The following CNGB3 variants were observed in gnomAD, a reference collection of about 807,000 sequenced individuals.
CNGB3 encodes cyclic nucleotide-gated channel beta-3.
CNGB3 carries 86 observed loss-of-function variants against 92.8 expected under a neutral mutation model. The ratio of observed to expected loss-of-function variants is 0.93; its 90% CI spans 0.78 to 1.11. The LOEUF is 1.11. CNGB3 is among the 50% of genes least tolerant of loss of function. The pLI is 0.00. For missense variants in CNGB3, 1,026 were observed against 956.8 expected (o/e 1.07, Z -0.95); for synonymous variants, 333 against 332.7 (o/e 1.00, Z -0.01).
rs748516981 is a variant in CNGB3, at chr8:86,628,946, A to G, written c.1453T>C (p.Tyr485His). The change falls in exon 12 of 18, where the codon TAT (tyrosine) becomes CAT (histidine). Residue 485 changes from tyrosine to histidine, a missense_variant. Transcript: ENST00000320005. ...VQKRVRTWYEYTWDSQRMLDE... is the reference protein window; with the variant it reads ...VQKRVRTWYEHTWDSQRMLDE... ...AGCATTCTTTGAGAGTCCCATGTAT[A>G]TTCATACCAAGTCCGAACTCGCTTT... 1.9e-6 allele frequency: 3 copies of G among 1,613,916 alleles called. No individual in the cohort carries two copies. In the South Asian group the frequency reaches 3.3e-5, roughly 18 times the overall value.
chr8:86,631,957 T>A (rs1822970045), intron 11 of CNGB3, among the ~76,000 whole-genome samples: 1 of 152,168 alleles, frequency 6.6e-6, no homozygotes, highest in African/African-American at 2.4e-5. Context: ...GTAAACTAAC[T>A]AATCTGGAAC....
chr8:86,651,984 C>T (rs990284845), intron 7 of CNGB3, among the ~76,000 whole-genome samples: 5 of 151,838 alleles, frequency 3.3e-5, no homozygotes, highest in African/African-American at 4.8e-5. Context: ...GATGTATTGC[C>T]TACTACACAC....
chr8:86,611,902 T>A (rs188091996), intron 13 of CNGB3, among the ~76,000 whole-genome samples: 10 of 152,246 alleles, frequency 6.6e-5, no homozygotes, highest in African/African-American at 2.4e-4. Flanking sequence ...GAATCCTGTC[T>A]CTACTACATA....
In CNGB3 at chr8:86,632,857, T is replaced by C. The variant is rs1433936665; in HGVS notation, c.1215A>G (p.Leu405=). Residue 405 remains leucine, a synonymous_variant, in exon 11 of 18, where the codon TTA becomes TTG. Coordinates refer to ENST00000320005, the MANE Select transcript of CNGB3 (RefSeq NM_019098.5). ...LRCYYWAVRT[L]ITIGGLPEPQ... ...GTTCTGGAAGGCCACCAATGGTAATTAAAGTTCGAACTGCCCAATAATAAC... is the reference window on the plus strand; with the variant it reads ...GTTCTGGAAGGCCACCAATGGTAATCAAAGTTCGAACTGCCCAATAATAAC... The C allele has an allele frequency of 1.2e-6, 2 of 1,612,746 alleles. No individual in the cohort carries two copies. Among genetic ancestry groups the C allele is most frequent in the East Asian group, 2.2e-5 (1 of 44,796 alleles).
rs375288585 is a variant in CNGB3, at chr8:86,575,815, C to T, written c.2419G>A (p.Ala807Thr). ...AGATAATCAAACATTTATTGCTTAG[C>T]CTTTTCTTTGACTTCAATAGTAAGA... Reference protein sequence around the residue: ...EVLTIEVKEKAKQ With the variant: ...EVLTIEVKEKTKQ Residue 807 changes from alanine (A) to threonine (T), a missense_variant, in exon 18 of 18, where the codon GCT (alanine) becomes ACT (threonine). By Grantham distance (58) the Ala-to-Thr change is moderately conservative. Coordinates refer to ENST00000320005, the MANE Select transcript of CNGB3 (RefSeq NM_019098.5). The T allele has an allele frequency of 2.8e-5, 45 of 1,613,668 alleles. 1 individual carries two copies. The highest frequency in any genetic ancestry group is 1.6e-4 in the East Asian group (7 of 44,864).
At chr8:86,653,654 C>T (rs973478777) in intron 7 of CNGB3, among the ~76,000 whole-genome samples, 8 of 152,106 alleles carry the variant, frequency 5.3e-5, no homozygotes, top group Middle Eastern at 6.8e-3. Flanking sequence ...AAGAAAGAAG[C>T]GGGAGTAAAA....
chr8:86,662,602 T>A (rs1165777133), intron 6 of CNGB3, among the ~76,000 whole-genome samples: 2 of 152,060 alleles, frequency 1.3e-5, no homozygotes, highest in Non-Finnish European at 2.9e-5. Flanking sequence ...TGGGAGGGGG[T>A]TGCTGGAGAA....
At chr8:86,624,638 C>T (rs1822809476) in intron 13 of CNGB3, among the ~76,000 whole-genome samples, 1 of 152,128 alleles carries the variant, frequency 6.6e-6, no homozygotes, top group African/African-American at 2.4e-5. Context: ...TGTCCTCATT[C>T]CTCTCTCTCC....
intron 14 of CNGB3, among the ~76,000 whole-genome samples, chr8:86,607,644 G>C (rs1238595456): frequency 6.6e-6 from 1 of 152,054 alleles, no homozygotes; most frequent in Non-Finnish European, 1.5e-5. Context: ...TTGGGAATGA[G>C]GTCCCAGAAA....
At chr8:86,675,885 T>C (rs1823957382) in intron 3 of CNGB3, among the ~76,000 whole-genome samples, 1 of 152,190 alleles carries the variant, frequency 6.6e-6, no homozygotes, top group African/African-American at 2.4e-5. Flanking sequence ...GCCAACAAAA[T>C]TGTATAATTA....
chr8:86,579,485 G>T (rs1821720863), intron 15 of CNGB3, among the ~76,000 whole-genome samples: 1 of 152,146 alleles, frequency 6.6e-6, no homozygotes, highest in Non-Finnish European at 1.5e-5. Context: ...TCAAGGACTT[G>T]TGGCTGTCAG....
chr8:86,609,445 T>A (rs926274767), intron 14 of CNGB3, among the ~76,000 whole-genome samples: 1 of 152,202 alleles, frequency 6.6e-6, no homozygotes, highest in African/African-American at 2.4e-5. Context: ...TCCCATTTTA[T>A]CATAATCTCT....
chr8:86,604,458 A>C (rs1296898741), intron 14 of CNGB3, among the ~76,000 whole-genome samples: 1 of 152,186 alleles, frequency 6.6e-6, no homozygotes, highest in Admixed American at 6.6e-5. Flanking sequence ...CCTTGGATAC[A>C]TGAAGATATT....
intron 12 of CNGB3, among the ~76,000 whole-genome samples, chr8:86,627,508 AG>A (rs1303828921): frequency 6.6e-6 from 1 of 152,310 alleles, no homozygotes; most frequent in South Asian, 2.1e-4. Flanking sequence ...GTCTGCTCTT[AG>A]GAACCTTTGT....
intron 15 of CNGB3, among the ~76,000 whole-genome samples, chr8:86,588,163 G>A (rs1011649550): frequency 8.8e-5 from 13 of 147,194 alleles, no homozygotes; most frequent in African/African-American, 3.4e-4. Context: ...GTATAGGAAT[G>A]CTTGTGATTT....
At chr8:86,667,513 G>A (rs1823766941) in intron 5 of CNGB3, among the ~76,000 whole-genome samples, 1 of 152,208 alleles carries the variant, frequency 6.6e-6, no homozygotes, top group South Asian at 2.1e-4. Context: ...TAAGTTGCAG[G>A]ATTGATTGCC....
intron 1 of CNGB3, among the ~76,000 whole-genome samples, chr8:86,740,230 A>G (rs1825317895): frequency 1.3e-5 from 2 of 152,186 alleles, no homozygotes; most frequent in Non-Finnish European, 2.9e-5. Flanking sequence ...GGGCAGAGTG[A>G]AACAAGATAT....
At chr8:86,587,565 G>A (rs1301451399) in intron 15 of CNGB3, among the ~76,000 whole-genome samples, 1 of 152,030 alleles carries the variant, frequency 6.6e-6, no homozygotes, top group African/African-American at 2.4e-5. Context: ...TGGCTAGCCA[G>A]TTTTCCCAGC....
At chr8:86,691,857 A>G (rs1824324027) in intron 3 of CNGB3, among the ~76,000 whole-genome samples, 1 of 152,144 alleles carries the variant, frequency 6.6e-6, no homozygotes, top group East Asian at 1.9e-4. Flanking sequence ...TGTTGCAGGT[A>G]TTTAATGCTG....
Sources: gnomAD v4.1 joint callset for allele counts (sites outside exome capture counted in the v4.1 genomes callset) on GRCh38, gnomAD v4.1.1 for gene constraint, MANE v1.5 for transcripts, NCBI Gene and HGNC (gene_info 2026-07-23, HGNC 2026-07-21) for gene names.